Variants in LRRC8D observed in about 807,000 individuals in gnomAD.
The protein encoded by LRRC8D is leucine rich repeat containing 8 VRAC subunit D.
In LRRC8D, 20 loss-of-function variants were observed where a neutral mutation model predicts 55.8. The observed-to-expected ratio is 0.36, with a 90% CI of 0.25 to 0.52. The LOEUF (loss-of-function observed/expected upper bound fraction) is 0.52, where lower values mean the gene tolerates loss of function less well. Ranked by LOEUF, LRRC8D falls within the 20% of genes least tolerant of loss-of-function variation. The pLI, the probability that LRRC8D is intolerant of heterozygous loss-of-function variation, is 0.93. For missense variants in LRRC8D, 651 were observed against 1,030.8 expected, an observed-to-expected ratio of 0.63 and a Z score of 5.05; for synonymous variants, 352 against 377.0, an observed-to-expected ratio of 0.93 and a Z score of 0.77.
chr1:89,871,169 G>A (rs538096993), intron 2 of LRRC8D, among the ~76,000 whole-genome samples: 137 of 152,202 alleles, frequency 9.0e-4, no homozygotes, highest in African/African-American at 2.6e-3. Context: ...CAGACTCCCC[G>A]CATTTAGTAT....
chr1:89,832,652 A>AT (rs1660914235), intron 1 of LRRC8D, among the ~76,000 whole-genome samples: 3 of 152,192 alleles, frequency 2.0e-5, no homozygotes, highest in Admixed American at 6.5e-5. Context: ...AATTCTTCAA[A>AT]TTCCACTGCT....
intron 2 of LRRC8D, among the ~76,000 whole-genome samples, chr1:89,893,450 G>GA (rs961141809): frequency 1.3e-5 from 2 of 151,644 alleles, no homozygotes; most frequent in Admixed American, 6.6e-5. Flanking sequence ...ATTTAACTAG[G>GA]AAAAAAAAGG....
At chr1:89,843,434 G>A (rs1282319054) in intron 1 of LRRC8D, 4 of 366,936 alleles carry the variant, frequency 1.1e-5, no homozygotes, top group Admixed American at 4.8e-5. Context: ...GGGGGGGCCC[G>A]GGCCGAGGCC....
intron 1 of LRRC8D, among the ~76,000 whole-genome samples, chr1:89,836,468 A>G (rs57408748): frequency 0.16 from 24,214 of 152,248 alleles, 2,225 homozygotes; most frequent in Non-Finnish European, 0.22. Flanking sequence ...GGGCCAGATT[A>G]TACATACGCC....
intron 2 of LRRC8D, among the ~76,000 whole-genome samples, chr1:89,894,952 T>C (rs1187049573): frequency 6.6e-6 from 1 of 152,168 alleles, no homozygotes; most frequent in Non-Finnish European, 1.5e-5. Context: ...TATTCTTTCA[T>C]TGTCAGATTC....
rs1662414519 is a variant in LRRC8D at position 89,886,221 on chromosome 1, A to AT, written c.-3+42441dup. Among the ~76,000 whole-genome samples the AT allele has an allele frequency of 2.0e-5, 3 of 152,314 alleles. No homozygotes were observed. The South Asian group carries it at 6.2e-4, about 32-fold the overall frequency. On this transcript the variant is annotated intron_variant, in intron 2 of 2. Transcript: ENST00000337338. Reference sequence around the variant, plus strand: ...ATATCCTAAGATTTATCCTTTGCCAATTCATTTAGTCTCTGAAGAGTGAGA... The same window carrying AT: ...ATATCCTAAGATTTATCCTTTGCCAATTTCATTTAGTCTCTGAAGAGTGAGA...
intron 2 of LRRC8D, among the ~76,000 whole-genome samples, chr1:89,876,458 G>A (rs556545898): frequency 7.9e-5 from 12 of 152,250 alleles, no homozygotes; most frequent in South Asian, 2.1e-4. Flanking sequence ...TGCACTTCCC[G>A]TGTGAGGGGA....
rs545089763 is a variant in LRRC8D, at chr1:89,822,959, T to C, written c.-148+1668T>C. 2.0e-5 allele frequency among the ~76,000 whole-genome samples: 3 copies of C among 152,160 alleles called. No homozygotes were observed. The South Asian group carries it at 6.2e-4, about 32-fold the overall frequency. ...GAAAATTAGGTGGTTAAAACAGGGG[T>C]CACGAAAAGTTGATTTGGGGTGTTT... On this transcript the variant is annotated intron_variant, in intron 1 of 2. Coordinates refer to ENST00000337338, the MANE Select transcript of LRRC8D (RefSeq NM_001134479.2).
chr1:89,901,654 A>G (rs537233179), intron 2 of LRRC8D, among the ~76,000 whole-genome samples: 257 of 152,328 alleles, frequency 1.7e-3, no homozygotes, highest in African/African-American at 5.7e-3. Flanking sequence ...ACGCAGACTA[A>G]ACATGTGTTT....
chr1:89,918,731 A>G (rs1379891989), intron 2 of LRRC8D, among the ~76,000 whole-genome samples: 1 of 152,236 alleles, frequency 6.6e-6, no homozygotes, highest in Non-Finnish European at 1.5e-5. Flanking sequence ...CAGGTGGTCT[A>G]TCCGAATGAG....
chr1:89,924,240 C>A (rs1268689195), intron 2 of LRRC8D, among the ~76,000 whole-genome samples: 1 of 152,028 alleles, frequency 6.6e-6, no homozygotes, highest in Non-Finnish European at 1.5e-5. Context: ...AAAAACAATC[C>A]CATTAAGAAA....
chr1:89,912,414 C>T (rs1184992681), intron 2 of LRRC8D, among the ~76,000 whole-genome samples: 1 of 150,824 alleles, frequency 6.6e-6, no homozygotes, highest in African/African-American at 2.4e-5. Flanking sequence ...CCCCCACCCC[C>T]ACCCTTTGGT....
intron 1 of LRRC8D, among the ~76,000 whole-genome samples, chr1:89,829,850 C>G (rs898928041): frequency 1.3e-5 from 2 of 152,182 alleles, no homozygotes; most frequent in Non-Finnish European, 2.9e-5. Flanking sequence ...TAGCCCTGTT[C>G]TCTTTTGTCA....
At chr1:89,879,564 G>A (rs906763483) in intron 2 of LRRC8D, among the ~76,000 whole-genome samples, 1 of 152,138 alleles carries the variant, frequency 6.6e-6, no homozygotes, top group Admixed American at 6.5e-5. Flanking sequence ...TGGTAAATCT[G>A]TTGTGTTACC....
At chr1:89,862,427 G>A (rs573452649) in intron 2 of LRRC8D, among the ~76,000 whole-genome samples, 5 of 152,252 alleles carry the variant, frequency 3.3e-5, no homozygotes, top group South Asian at 2.1e-4. Context: ...TAAGAGATCC[G>A]TCTTTTGTCC....
chr1:89,934,813 A>T lies in LRRC8D; in HGVS notation c.1745A>T (p.Glu582Val), dbSNP rs1663796609. The change falls in exon 3 of 3, where the codon GAA (glutamate) becomes GTA (valine). Residue 582 changes from glutamate (E) to valine (V), a missense_variant. Around this residue, in one of 5 missense-constraint regions of LRRC8D, gnomAD observed 338 missense variants for 479.4 expected, o/e 0.71. Transcript: ENST00000337338. The surrounding 1 kb of genome is among the most constrained non-coding windows in gnomAD (Gnocchi z 5.9). The stretch of plus-strand genomic sequence containing the variant: ...GAAAACAATAAGATGATAGGACTTG[A>T]ATCTCTCCGAGAGTTGCGGCACCTT... ...NSENNKMIGL[E>V]SLRELRHLKI... 2 of 1,614,082 alleles carry T rather than the reference A, an allele frequency of 1.2e-6. No homozygotes were observed. The highest frequency in any genetic ancestry group is 1.7e-6 in the Non-Finnish European group (2 of 1,180,052).
intron 1 of LRRC8D, among the ~76,000 whole-genome samples, chr1:89,836,529 T>C (rs1661008901): frequency 6.6e-6 from 1 of 152,218 alleles, no homozygotes; most frequent in Non-Finnish European, 1.5e-5. Context: ...CCCCTTCTTT[T>C]CTTTGGGTTT....
At chr1:89,824,986 C>T (rs1043570841) in intron 1 of LRRC8D, among the ~76,000 whole-genome samples, 1 of 152,178 alleles carries the variant, frequency 6.6e-6, no homozygotes, top group Non-Finnish European at 1.5e-5. Flanking sequence ...CAGATATTTG[C>T]TCTGTGAGCT....
intron 2 of LRRC8D, among the ~76,000 whole-genome samples, chr1:89,890,034 A>G (rs1662536803): frequency 6.6e-6 from 1 of 151,754 alleles, no homozygotes; most frequent in African/African-American, 2.4e-5. Context: ...AAAAATACAA[A>G]AAATTAGTTG....
Sources: gnomAD v4.1 joint callset for allele counts (sites outside exome capture counted in the v4.1 genomes callset) on GRCh38, gnomAD v4.1.1 for gene constraint, gnomAD v4.1.1 regional missense constraint, Gnocchi (gnomAD v3.1) non-coding constraint, MANE v1.5 for transcripts, NCBI Gene and HGNC (gene_info 2026-07-23, HGNC 2026-07-21) for gene names.